The following CABCOCO1 variants were observed in gnomAD, a reference collection of about 807,000 sequenced individuals.
CABCOCO1 encodes the protein ciliary-associated calcium-binding coiled-coil protein 1.
Under a neutral mutation model 35.7 loss-of-function variants are expected in CABCOCO1, and 28 were observed. The ratio of observed to expected loss-of-function variants is 0.78; its 90% CI spans 0.58 to 1.07. CABCOCO1 has a LOEUF of 1.07. Among genes scored for constraint, CABCOCO1 ranks in the 50% least tolerant of loss-of-function variants. The pLI, the probability that CABCOCO1 is intolerant of heterozygous loss-of-function variation, is 0.00. For missense variants in CABCOCO1, 326 were observed against 309.2 expected, an observed-to-expected ratio of 1.05 and a Z score of -0.41; for synonymous variants, 95 against 100.1, an observed-to-expected ratio of 0.95 and a Z score of 0.30.
At chr10:61,728,349 GT>G (rs1841213648) in intron 5 of CABCOCO1, among the ~76,000 whole-genome samples, 1 of 152,098 alleles carries the variant, frequency 6.6e-6, no homozygotes, top group Admixed American at 6.6e-5. Context: ...CTTTCCTGAA[GT>G]ATGGAATTGT....
intron 5 of CABCOCO1, among the ~76,000 whole-genome samples, chr10:61,714,227 G>T (rs1026062476): frequency 3.9e-5 from 6 of 152,068 alleles, no homozygotes; most frequent in Non-Finnish European, 7.4e-5. Flanking sequence ...CTTCTTCCTG[G>T]TTTAGTCTTG....
chr10:61,691,647 C>T (rs550167712), intron 5 of CABCOCO1, among the ~76,000 whole-genome samples: 52 of 152,106 alleles, frequency 3.4e-4, no homozygotes, highest in African/African-American at 1.2e-3. Flanking sequence ...TCCCCTTGCC[C>T]CCCACTCCCC....
At chr10:61,667,118 A>G (rs1839207857) in intron 1 of CABCOCO1, among the ~76,000 whole-genome samples, 2 of 144,010 alleles carry the variant, frequency 1.4e-5, no homozygotes, top group East Asian at 2.0e-4. Flanking sequence ...ATATAATTAT[A>G]TATTATATAT....
chr10:61,667,098 G>T (rs12241760), intron 1 of CABCOCO1, among the ~76,000 whole-genome samples: 5 of 137,520 alleles, frequency 3.6e-5, no homozygotes, highest in Non-Finnish European at 4.7e-5. Flanking sequence ...ATTTCATATA[G>T]TATATATAAA....
chr10:61,676,128 G>T (rs1839506074), intron 2 of CABCOCO1, among the ~76,000 whole-genome samples: 1 of 152,164 alleles, frequency 6.6e-6, no homozygotes, highest in South Asian at 2.1e-4. Flanking sequence ...GAAGTCAAAA[G>T]TATATGATTG....
intron 2 of CABCOCO1, among the ~76,000 whole-genome samples, chr10:61,678,226 G>A (rs1393639850): frequency 6.6e-6 from 1 of 152,030 alleles, no homozygotes; most frequent in Non-Finnish European, 1.5e-5. Context: ...TGGACTTTCT[G>A]CGTATTCCAC....
chr10:61,675,748 A>G (rs924182591), intron 2 of CABCOCO1, among the ~76,000 whole-genome samples: 1 of 152,114 alleles, frequency 6.6e-6, no homozygotes, highest in African/African-American at 2.4e-5. Flanking sequence ...AAACATGGTA[A>G]AATATATAAA....
In CABCOCO1 at chr10:61,760,164, T is replaced by C. The variant is rs1391318457; in HGVS notation, c.658T>C (p.Leu220=). 1.2e-5 allele frequency: 20 copies of C among 1,611,490 alleles called. No homozygotes were observed. Among genetic ancestry groups the C allele is most frequent in the Non-Finnish European group, 1.6e-5 (19 of 1,177,996 alleles). The change falls in exon 6 of 8, where the codon TTG becomes CTG. Residue 220 remains leucine (L), a synonymous_variant. Transcript: ENST00000648843. The part of the protein sequence containing the change: ...YSTFIEPPTI[L]DTEMKRLDQE... Reference sequence around the variant, plus strand: ...AACATTCATAGAGCCCCCCACAATATTGGATACGGAAATGAAGGTATATTT... The same window carrying C: ...AACATTCATAGAGCCCCCCACAATACTGGATACGGAAATGAAGGTATATTT...
chr10:61,693,603 T>C (rs1255717114), intron 5 of CABCOCO1, among the ~76,000 whole-genome samples: 2 of 152,240 alleles, frequency 1.3e-5, no homozygotes, highest in Admixed American at 6.6e-5. Flanking sequence ...TAGGCAATGA[T>C]GATGAGTGGC....
At chr10:61,758,399 T>C (rs1841942115) in intron 5 of CABCOCO1, among the ~76,000 whole-genome samples, 1 of 152,028 alleles carries the variant, frequency 6.6e-6, no homozygotes, top group Admixed American at 6.6e-5. Flanking sequence ...TACAAATCAT[T>C]TCGTGGGAAG....
intron 1 of CABCOCO1, among the ~76,000 whole-genome samples, chr10:61,671,990 T>C (rs1448358290): frequency 6.6e-6 from 1 of 152,224 alleles, no homozygotes. Flanking sequence ...CAATGCTAAC[T>C]TCCACCTAAG....
At chr10:61,711,911 G>A (rs61850496) in intron 5 of CABCOCO1, among the ~76,000 whole-genome samples, 1 of 151,888 alleles carries the variant, frequency 6.6e-6, no homozygotes, top group African/African-American at 2.4e-5. Flanking sequence ...GAAAATGAAA[G>A]CACCAAATAC....
intron 5 of CABCOCO1, among the ~76,000 whole-genome samples, chr10:61,694,451 G>C (rs79633363): frequency 6.6e-6 from 1 of 151,074 alleles, no homozygotes; most frequent in African/African-American, 2.4e-5. Flanking sequence ...CAATTACTTG[G>C]GATAATTGGC....
intron 5 of CABCOCO1, among the ~76,000 whole-genome samples, chr10:61,700,544 T>C (rs944711561): frequency 2.6e-5 from 4 of 152,090 alleles, no homozygotes; most frequent in African/African-American, 7.2e-5. Flanking sequence ...TTCTCATATA[T>C]TGCTGGGAAG....
chr10:61,672,803 G>A (rs1313784686), intron 2 of CABCOCO1, 68 bp downstream of exon 2: 3 of 896,486 alleles, frequency 3.3e-6, no homozygotes, highest in Non-Finnish European at 2.7e-6. Flanking sequence ...AAATGATTGT[G>A]ATTACATGTA....
At chr10:61,730,008 T>C (rs1400975052) in intron 5 of CABCOCO1, among the ~76,000 whole-genome samples, 2 of 152,086 alleles carry the variant, frequency 1.3e-5, no homozygotes, top group African/African-American at 2.4e-5. Flanking sequence ...CTGCGCAACA[T>C]TGTACCTACA....
intron 1 of CABCOCO1, among the ~76,000 whole-genome samples, chr10:61,670,654 T>G (rs1042743122): frequency 1.3e-5 from 2 of 152,174 alleles, no homozygotes; most frequent in African/African-American, 4.8e-5. Flanking sequence ...CTTTTGGAAC[T>G]CAATCGCATG....
chr10:61,715,763 C>T (rs1840849312), intron 5 of CABCOCO1, among the ~76,000 whole-genome samples: 1 of 152,170 alleles, frequency 6.6e-6, no homozygotes. Flanking sequence ...TTCTCCTTCA[C>T]TTATGAAGCT....
chr10:61,664,255 A>G (rs1027565459), intron 1 of CABCOCO1, among the ~76,000 whole-genome samples: 1 of 152,166 alleles, frequency 6.6e-6, no homozygotes, highest in Non-Finnish European at 1.5e-5. Context: ...TAGCACAGGA[A>G]ATTTTCCAAT....
Sources: gnomAD v4.1 joint callset for allele counts (sites outside exome capture counted in the v4.1 genomes callset) on GRCh38, gnomAD v4.1.1 for gene constraint, MANE v1.5 for transcripts, NCBI Gene and HGNC (gene_info 2026-07-23, HGNC 2026-07-21) for gene names.